Variants in LRPPRC observed in about 807,000 individuals in gnomAD.
LRPPRC encodes leucine rich pentatricopeptide repeat containing.
LRPPRC carries 120 observed loss-of-function variants against 180.3 expected under a neutral mutation model. The observed-to-expected ratio is 0.67, with a 90% CI of 0.57 to 0.77. The LOEUF is 0.77. Among genes scored for constraint, LRPPRC ranks in the 30% least tolerant of loss-of-function variants. The pLI is 0.00. For synonymous variants in LRPPRC, 723 were observed against 600.0 expected, an observed-to-expected ratio of 1.21 and a Z score of -3.00; for missense variants, 2,012 against 1,657.2, an observed-to-expected ratio of 1.21 and a Z score of -3.72.
At position 43,957,372 on chromosome 2, in the gene LRPPRC, T is replaced by C. The variant is rs763339174; in HGVS notation, c.1649+13A>G. 4 of 1,594,748 alleles carry C rather than the reference T, an allele frequency of 2.5e-6. No individual in the cohort carries two copies. The highest frequency in any genetic ancestry group is 3.4e-6 in the Non-Finnish European group (4 of 1,162,506). On this transcript the variant is annotated intron_variant, in intron 14 of 37. Coordinates refer to ENST00000260665, the MANE Select transcript of LRPPRC (RefSeq NM_133259.4). ...CATGTTCAGGCAAGGAACATTTAAG[T>C]TGATCATCTTACCTCCTGAAGCCTA...
chr2:43,941,725 T>C (rs1672487112), intron 23 of LRPPRC, among the ~76,000 whole-genome samples: 2 of 151,764 alleles, frequency 1.3e-5, no homozygotes, highest in Admixed American at 6.6e-5. Flanking sequence ...AAATATAAAA[T>C]TTCCTTTATC....
chr2:43,968,689 G>A (rs1673665330), intron 11 of LRPPRC, among the ~76,000 whole-genome samples: 1 of 152,202 alleles, frequency 6.6e-6, no homozygotes, highest in African/African-American at 2.4e-5. Context: ...AAAACTCACA[G>A]AAGCAGAAAG....
intron 31 of LRPPRC, chr2:43,902,938 CACAACTACCCTTCCGAGACAAGT>C (rs1220007867): frequency 3.3e-5 from 5 of 152,200 alleles, no homozygotes; most frequent in African/African-American, 1.2e-4. Context: ...CAGCTACTGT[CACAACTACCCTTCCGAGACAAGT>C]ACCAATTTTA....
intron 11 of LRPPRC, among the ~76,000 whole-genome samples, chr2:43,968,298 C>G (rs1046694034): frequency 3.9e-5 from 6 of 152,330 alleles, no homozygotes; most frequent in Middle Eastern, 6.8e-3. Flanking sequence ...TTTCTAACTA[C>G]CATCCATGGA....
chr2:43,963,269 A>T (rs1323660600), intron 12 of LRPPRC, among the ~76,000 whole-genome samples: 1 of 152,066 alleles, frequency 6.6e-6, no homozygotes, highest in East Asian at 1.9e-4. Context: ...ACATGGAGAA[A>T]CCCTGTCTCT....
intron 14 of LRPPRC, among the ~76,000 whole-genome samples, chr2:43,955,828 G>A (rs570338223): frequency 4.6e-5 from 7 of 152,160 alleles, no homozygotes; most frequent in African/African-American, 1.4e-4. Context: ...GAAAAGTAAT[G>A]GAAAAACAGG....
chr2:43,955,543 A>C (rs1406225747), intron 14 of LRPPRC, among the ~76,000 whole-genome samples: 1 of 151,804 alleles, frequency 6.6e-6, no homozygotes, highest in Non-Finnish European at 1.5e-5. Context: ...CAACAGAATA[A>C]CCTGGGCAAC....
intron 2 of LRPPRC, among the ~76,000 whole-genome samples, chr2:43,980,490 C>T (rs1195525224): frequency 6.8e-6 from 1 of 146,912 alleles, no homozygotes; most frequent in Non-Finnish European, 1.5e-5. Flanking sequence ...GAGGTGGAGG[C>T]TGCGGTGAGC....
intron 29 of LRPPRC, among the ~76,000 whole-genome samples, chr2:43,914,265 T>C (rs1291769357): frequency 6.6e-6 from 1 of 152,200 alleles, no homozygotes; most frequent in Non-Finnish European, 1.5e-5. Context: ...AGCATTTTAA[T>C]ATACCAAACC....
chr2:43,964,712 A>AT (rs967825250), intron 11 of LRPPRC, among the ~76,000 whole-genome samples: 6 of 152,002 alleles, frequency 3.9e-5, no homozygotes, highest in South Asian at 2.1e-4. Context: ...AAAAACTATA[A>AT]TTTTTTTTAA....
Position 43,995,983 on chromosome 2 carries a change from C to G in LRPPRC, c.-36G>C, listed in dbSNP as rs181242544. Reference sequence around the variant, plus strand: ...TCCCCGCAGCGGGAAGCACGCTCCGCCAGAAGGACAGGAGGAGCATGTGAC... The same window carrying G: ...TCCCCGCAGCGGGAAGCACGCTCCGGCAGAAGGACAGGAGGAGCATGTGAC... On this transcript the variant is annotated 5_prime_UTR_variant, in exon 1 of 38. Coordinates refer to ENST00000260665, the MANE Select transcript of LRPPRC (RefSeq NM_133259.4). The G allele has an allele frequency of 3.5e-5, 53 of 1,522,926 alleles. No homozygotes were observed. Among genetic ancestry groups the G allele is most frequent in the East Asian group, 2.8e-4 (11 of 39,224 alleles). The allele number at this position is 1,522,926 out of a possible 1,614,324, so 94.3% of individuals were successfully genotyped here.
intron 13 of LRPPRC, among the ~76,000 whole-genome samples, chr2:43,958,214 C>G (rs368467220): frequency 2.0e-5 from 3 of 152,294 alleles, no homozygotes; most frequent in South Asian, 2.1e-4. Context: ...TTGTTTTTCC[C>G]TGTAATTGTA....
chr2:43,970,525 T>TTA (rs1673758192), intron 11 of LRPPRC, among the ~76,000 whole-genome samples: 1 of 152,160 alleles, frequency 6.6e-6, no homozygotes, highest in South Asian at 2.1e-4. Flanking sequence ...TTACATTAAC[T>TTA]TAGATATAAA....
At chr2:43,945,638 G>T (rs890319688) in intron 21 of LRPPRC, among the ~76,000 whole-genome samples, 2 of 152,004 alleles carry the variant, frequency 1.3e-5, no homozygotes, top group Non-Finnish European at 2.9e-5. Context: ...CATATATATT[G>T]CATCACTCCA....
intron 10 of LRPPRC, 31 bp downstream of exon 10, chr2:43,973,764 T>A (rs113696797): frequency 1.9e-6 from 3 of 1,602,206 alleles, no homozygotes; most frequent in African/African-American, 1.3e-5. Context: ...CAAAACTTCC[T>A]TACTTGGCTT....
At chr2:43,945,809 ATGT>A (rs1672660433) in intron 21 of LRPPRC, among the ~76,000 whole-genome samples, 1 of 152,098 alleles carries the variant, frequency 6.6e-6, no homozygotes, top group African/African-American at 2.4e-5. Context: ...TGAAAGGGAA[ATGT>A]TATCAAGCCT....
At chr2:43,906,544 C>T (rs1323389864) in intron 30 of LRPPRC, among the ~76,000 whole-genome samples, 1 of 152,192 alleles carries the variant, frequency 6.6e-6, no homozygotes, top group Non-Finnish European at 1.5e-5. Context: ...TGCGCATCTC[C>T]TGTGATGAAA....
intron 3 of LRPPRC, 140 bp from the exon 4 acceptor site, chr2:43,977,416 TAC>T: frequency 1.5e-6 from 1 of 653,558 alleles, no homozygotes; most frequent in Non-Finnish European, 2.7e-6. Flanking sequence ...CAGACCTATC[TAC>T]ACAGATACTC....
intron 11 of LRPPRC, among the ~76,000 whole-genome samples, chr2:43,970,531 A>G (rs144135441): frequency 1.3e-5 from 2 of 152,264 alleles, no homozygotes; most frequent in Admixed American, 6.5e-5. Context: ...TAACTTAGAT[A>G]TAAATAGATT....
Sources: gnomAD v4.1 joint callset for allele counts (sites outside exome capture counted in the v4.1 genomes callset) on GRCh38, gnomAD v4.1.1 for gene constraint, MANE v1.5 for transcripts, NCBI Gene and HGNC (gene_info 2026-07-23, HGNC 2026-07-21) for gene names.